Variants in KDM1A observed in about 807,000 individuals in gnomAD.
KDM1A encodes the protein lysine demethylase 1A, also known as lysine-specific histone demethylase 1A.
KDM1A carries 49 observed loss-of-function variants against 109.4 expected under a neutral mutation model. That is an observed-to-expected ratio of 0.45 (90% CI 0.36 to 0.57). KDM1A has a LOEUF of 0.57. KDM1A is among the 20% of genes least tolerant of loss of function. The pLI is 0.00. For missense variants in KDM1A, 668 were observed against 1,116.6 expected, an observed-to-expected ratio of 0.60 and a Z score of 5.73; for synonymous variants, 380 against 415.4, an observed-to-expected ratio of 0.91 and a Z score of 1.04.
At chr1:23,059,422 A>G in intron 9 of KDM1A, 1 of 505,018 alleles carries the variant, frequency 2.0e-6, no homozygotes, top group South Asian at 1.6e-5. Flanking sequence ...AAGGCTAGCT[A>G]GACAGTTAAT....
intron 2 of KDM1A, among the ~76,000 whole-genome samples, chr1:23,032,951 G>A (rs1467950963): frequency 6.6e-6 from 1 of 152,224 alleles, no homozygotes; most frequent in Non-Finnish European, 1.5e-5. Context: ...CCAGGCTGGA[G>A]TGCAGTGGCA....
chr1:23,062,114 C>T (rs113525681), intron 9 of KDM1A, among the ~76,000 whole-genome samples: 41 of 152,318 alleles, frequency 2.7e-4, no homozygotes, highest in African/African-American at 9.6e-4. Flanking sequence ...AGCTCACACA[C>T]GTGTTTGCCT....
chr1:23,030,690 G>A, intron 2 of KDM1A, 56 bp downstream of exon 2: 1 of 1,430,728 alleles, frequency 7.0e-7, no homozygotes, highest in Admixed American at 2.5e-5. Context: ...AGAATGAATG[G>A]ATTTATTTCC....
rs139200577 is a variant in KDM1A, at chr1:23,066,117, A to G, written c.1179+46A>G. ...CAAATCATTTTCCTCACTGTTTACA[A>G]TAACCCATTAAAAGCTTGAAACCTA... On this transcript the variant is annotated intron_variant, in intron 10 of 20. Coordinates refer to ENST00000400181, the MANE Select transcript of KDM1A (RefSeq NM_001009999.3). 3,019 of 1,299,572 alleles carry G rather than the reference A, an allele frequency of 2.3e-3. 58 individuals are homozygous for G. The highest frequency in any genetic ancestry group is 4.9e-4 in the Non-Finnish European group (446 of 901,634). The allele number at this position is 1,299,572 out of a possible 1,614,324, so 80.5% of individuals were successfully genotyped here. A position where few individuals can be genotyped will look rare whatever the true frequency, so the allele number is the denominator to read the frequency against.
At chr1:23,071,502 T>C in intron 13 of KDM1A, 143 bp downstream of exon 13, 1 of 717,006 alleles carries the variant, frequency 1.4e-6, no homozygotes, top group East Asian at 2.7e-5. Context: ...TAAGGAGCCA[T>C]GGGGATTTAA....
intron 16 of KDM1A, among the ~76,000 whole-genome samples, chr1:23,077,819 T>C (rs1643509183): frequency 6.6e-6 from 1 of 152,208 alleles, no homozygotes; most frequent in Admixed American, 6.5e-5. Context: ...TTTTGGTCTT[T>C]GGATTCATTT....
At chr1:23,026,800 A>G (rs113762462) in intron 1 of KDM1A, among the ~76,000 whole-genome samples, 19 of 152,220 alleles carry the variant, frequency 1.2e-4, no homozygotes, top group South Asian at 4.1e-4. Context: ...AGAGTCATCA[A>G]TGTGAAAGTA....
At chr1:23,033,495 C>A (rs1642052795) in intron 2 of KDM1A, among the ~76,000 whole-genome samples, 1 of 152,012 alleles carries the variant, frequency 6.6e-6, no homozygotes, top group African/African-American at 2.4e-5. Flanking sequence ...GCACTCCAGT[C>A]TTTGTGAGAG....
In KDM1A at chr1:23,083,436, C is replaced by CTA. The variant is rs1343873685; in HGVS notation, c.*73_*74dup. The CTA allele has an allele frequency of 7.0e-7, 1 of 1,418,768 alleles. No individual in the cohort carries two copies. Among genetic ancestry groups the CTA allele is most frequent in the African/African-American group, 1.4e-5 (1 of 70,468 alleles). 87.9% of individuals were successfully genotyped at this position (1,418,768 alleles called of 1,614,324 possible). A position where few individuals can be genotyped will look rare whatever the true frequency, so the allele number is the denominator to read the frequency against. Reference sequence around the variant, plus strand: ...TGTAAGGAAGGCTCTTCTAGCAATACTAGATCCCACTGAGAAAATCCACCC... The same window carrying CTA: ...TGTAAGGAAGGCTCTTCTAGCAATACTATAGATCCCACTGAGAAAATCCACCC... On this transcript the variant is annotated 3_prime_UTR_variant, in exon 21 of 21. Transcript: ENST00000400181.
In KDM1A at chr1:23,069,019, A is replaced by C. The variant is rs775755648; in HGVS notation, c.1323-42A>C. ...TGATGGGCACCTGTCTTATTCTGCA[A>C]AGTTGGCTTTGAGAGCAGATTATAC... On this transcript the variant is annotated intron_variant, in intron 11 of 20. Transcript: ENST00000400181. 6 of 1,386,628 alleles carry C rather than the reference A, an allele frequency of 4.3e-6. No homozygotes were observed. In the African/African-American group the frequency reaches 7.2e-5, roughly 17 times the overall value. The allele number at this position is 1,386,628 out of a possible 1,614,324, so 85.9% of individuals were successfully genotyped here.
intron 4 of KDM1A, among the ~76,000 whole-genome samples, chr1:23,050,825 C>T (rs1479889913): frequency 6.6e-6 from 1 of 152,138 alleles, no homozygotes; most frequent in East Asian, 1.9e-4. Flanking sequence ...TGGCTCACAC[C>T]TGTAATCCCA....
chr1:23,079,357 T>TATCATATGAACAGAC lies in KDM1A; in HGVS notation c.2055+180_2055+181insATCATATGAACAGAC, dbSNP rs1643555270. 6.6e-6 allele frequency among the ~76,000 whole-genome samples: 1 copy of TATCATATGAACAGAC among 152,216 alleles called. No individual in the cohort carries two copies. Among genetic ancestry groups the TATCATATGAACAGAC allele is most frequent in the Non-Finnish European group, 1.5e-5 (1 of 68,028 alleles). On this transcript the variant is annotated intron_variant, in intron 17 of 20. Coordinates refer to ENST00000400181, the MANE Select transcript of KDM1A (RefSeq NM_001009999.3). This position sits in a 1 kb window ranked among gnomAD's most constrained non-coding sequence, Gnocchi z 5.6. ...GTGCCTAAGTCTATCATCAAGTGTCTGTTCATATGGACTTAGTCTTATGGG... is the reference window on the plus strand; with the variant it reads ...GTGCCTAAGTCTATCATCAAGTGTCTATCATATGAACAGACGTTCATATGGACTTAGTCTTATGGG...
intron 10 of KDM1A, 139 bp from the exon 11 acceptor site, chr1:23,068,400 A>C: frequency 1.6e-6 from 1 of 636,916 alleles, no homozygotes; most frequent in African/African-American, 1.9e-5. Flanking sequence ...ATAGAAAAGA[A>C]AATTTGAATC....
At chr1:23,065,821 CCT>C (rs1307788660) in intron 9 of KDM1A, among the ~76,000 whole-genome samples, 1 of 152,002 alleles carries the variant, frequency 6.6e-6, no homozygotes, top group African/African-American at 2.4e-5. Flanking sequence ...CCCTCACTCC[CCT>C]GTCTTTTGTT....
chr1:23,083,235 A>C lies in KDM1A; in HGVS notation c.2502A>C (p.Thr834=), dbSNP rs766359070. The C allele has an allele frequency of 1.2e-6, 2 of 1,613,930 alleles. No individual in the cohort carries two copies. The highest frequency in any genetic ancestry group is 3.3e-5 in the Admixed American group (2 of 59,998). The change falls in exon 21 of 21, where the codon ACA becomes ACC. Residue 834 remains threonine, a synonymous_variant. Transcript: ENST00000400181. ...GEHTIRNYPA[T]VHGALLSGLR... ...ATACGATCCGTAACTACCCAGCCAC[A>C]GTGCATGGTGCTCTGCTGAGTGGGC...
Position 23,057,580 on chromosome 1 carries a change from G to T in KDM1A, c.1072+15G>T. On this transcript the variant is annotated intron_variant, in intron 8 of 20. Coordinates refer to ENST00000400181, the MANE Select transcript of KDM1A (RefSeq NM_001009999.3). ...AACAGGTCTTGGTAAGTAGCTATTG[G>T]TTTGTGCTATATAGTACATGGTCTA... The T allele has an allele frequency of 6.3e-7, 1 of 1,591,578 alleles. No individual in the cohort carries two copies. Among genetic ancestry groups the T allele is most frequent in the Non-Finnish European group, 8.6e-7 (1 of 1,159,710 alleles).
chr1:23,068,432 T>G, intron 10 of KDM1A, 107 bp from the exon 11 acceptor site: 1 of 879,274 alleles, frequency 1.1e-6, no homozygotes, highest in Admixed American at 3.3e-5. Context: ...AGGTTTCCCC[T>G]TTGAGATACA....
At chr1:23,041,693 G>A (rs1450630055) in intron 2 of KDM1A, among the ~76,000 whole-genome samples, 3 of 151,430 alleles carry the variant, frequency 2.0e-5, no homozygotes, top group Admixed American at 6.6e-5. Flanking sequence ...CGCCCACCTC[G>A]GCCTCCCAAA....
intron 18 of KDM1A, 55 bp from the exon 19 acceptor site, chr1:23,081,391 G>T: frequency 1.2e-6 from 2 of 1,602,624 alleles, no homozygotes; most frequent in Non-Finnish European, 8.5e-7. Flanking sequence ...TGATAAGGAA[G>T]TTTTTGAGGA....
Sources: allele counts gnomAD v4.1 joint callset (sites outside exome capture counted in the v4.1 genomes callset), GRCh38; gene constraint gnomAD v4.1.1; non-coding constraint Gnocchi (gnomAD v3.1); transcripts MANE v1.5; gene names NCBI Gene and HGNC (gene_info 2026-07-23, HGNC 2026-07-21).